The following ABCG8 variants were observed in gnomAD, a reference collection of about 807,000 sequenced individuals.
ABCG8 encodes the protein ATP binding cassette subfamily G member 8.
ABCG8 carries 81 observed loss-of-function variants against 71.3 expected under a neutral mutation model. That is an observed-to-expected ratio of 1.14 (90% CI 0.95 to 1.37). The LOEUF (loss-of-function observed/expected upper bound fraction) is 1.37. ABCG8 is among the 40% of genes most tolerant of loss of function. The pLI, the probability that ABCG8 is intolerant of heterozygous loss-of-function variation, is 0.00. For synonymous variants in ABCG8, 451 were observed against 354.7 expected (o/e 1.27, Z -3.05); for missense variants, 1,119 against 866.2 (o/e 1.29, Z -3.66).
intron 6 of ABCG8, among the ~76,000 whole-genome samples, chr2:43,869,204 C>A (rs1447467565): frequency 6.7e-6 from 1 of 149,818 alleles, no homozygotes; most frequent in Non-Finnish European, 1.5e-5. Flanking sequence ...TCATTCTGGA[C>A]ATAATTCTTA....
At chr2:43,863,678 C>T (rs530804936) in intron 6 of ABCG8, among the ~76,000 whole-genome samples, 2 of 151,420 alleles carry the variant, frequency 1.3e-5, no homozygotes, top group African/African-American at 4.8e-5. Flanking sequence ...TTCTCACCAT[C>T]TGGATAGAAC....
chr2:43,839,482 A>G (rs1367605306), intron 1 of ABCG8, among the ~76,000 whole-genome samples: 6 of 115,636 alleles, frequency 5.2e-5, no homozygotes, highest in Non-Finnish European at 8.1e-5. Context: ...GCTGGAGTGC[A>G]GTGGCGTGAT....
intron 6 of ABCG8, among the ~76,000 whole-genome samples, chr2:43,864,182 C>A (rs893381897): frequency 6.6e-6 from 1 of 151,558 alleles, no homozygotes; most frequent in Non-Finnish European, 1.5e-5. Flanking sequence ...GGATAGAACT[C>A]TCACTCTCTC....
chr2:43,880,809 C>T lies in ABCG8; in HGVS notation c.*2896C>T, dbSNP rs1303015665. Reference sequence around the variant, plus strand: ...TGTGAGAAACCTGGCTTCCATTACCCTTAGGTTATTTACTCATTTGATTAA... The same window carrying T: ...TGTGAGAAACCTGGCTTCCATTACCTTTAGGTTATTTACTCATTTGATTAA... On this transcript the variant is annotated 3_prime_UTR_variant, in exon 13 of 13. Coordinates refer to ENST00000272286, the MANE Select transcript of ABCG8 (RefSeq NM_022437.3). The T allele has an allele frequency of 6.6e-6, 1 of 152,266 alleles. No homozygotes were observed. Among genetic ancestry groups the T allele is most frequent in the African/African-American group, 2.4e-5 (1 of 41,462 alleles). The allele number at this position is 152,266 out of a possible 1,614,324, so 9.4% of individuals were successfully genotyped here.
At position 43,880,140 on chromosome 2, in the gene ABCG8, C is replaced by A. The variant is rs1477162128; in HGVS notation, c.*2227C>A. The A allele has an allele frequency of 1.3e-5, 2 of 149,428 alleles. No individual in the cohort carries two copies. The highest frequency in any genetic ancestry group is 2.5e-5 in the African/African-American group (1 of 40,434). 9.3% of individuals were successfully genotyped at this position (149,428 alleles called of 1,614,324 possible). ...ATATGTCCTCATCATCCTTTGAGGG[C>A]TGAAACAACCAAGAGTTTCAGGCTC... On this transcript the variant is annotated 3_prime_UTR_variant, in exon 13 of 13. Coordinates refer to ENST00000272286, the MANE Select transcript of ABCG8 (RefSeq NM_022437.3).
chr2:43,854,052 C>T (rs4148216), intron 6 of ABCG8, among the ~76,000 whole-genome samples: 30,104 of 152,214 alleles, frequency 0.2, 3,096 homozygotes, highest in Admixed American at 0.26. Flanking sequence ...ACCTGGCCAT[C>T]GGGGAATAAT....
chr2:43,843,141 G>C (rs1176871640), intron 1 of ABCG8, among the ~76,000 whole-genome samples: 2 of 152,190 alleles, frequency 1.3e-5, no homozygotes, highest in African/African-American at 4.8e-5. Context: ...TCTCTGCCTG[G>C]TCTGTCTCGC....
At chr2:43,865,027 A>G (rs546261193) in intron 6 of ABCG8, among the ~76,000 whole-genome samples, 1 of 145,202 alleles carries the variant, frequency 6.9e-6, no homozygotes, top group East Asian at 1.9e-4. Flanking sequence ...TACAACTCTC[A>G]CTATCTGGAT....
intron 9 of ABCG8, 25 bp from the exon 10 acceptor site, chr2:43,874,382 T>A: frequency 6.5e-7 from 1 of 1,531,216 alleles, no homozygotes; most frequent in Non-Finnish European, 9.0e-7. Flanking sequence ...TTCTTCATTC[T>A]CTTTTCCTTT....
In ABCG8 at chr2:43,844,600, A is replaced by G. The variant is rs1378746605; in HGVS notation, c.157A>G (p.Asn53Asp). 3.7e-6 allele frequency: 6 copies of G among 1,611,656 alleles called. No homozygotes were observed. The highest frequency in any genetic ancestry group is 5.1e-6 in the Non-Finnish European group (6 of 1,177,834). Residue 53 changes from asparagine to aspartate, a missense_variant, in exon 2 of 13, where the codon AAC (asparagine) becomes GAC (aspartate). Coordinates refer to ENST00000272286, the MANE Select transcript of ABCG8 (RefSeq NM_022437.3). Reference protein sequence around the residue: ...QPNTLEVRDLNYQVDLASQVP... With the variant: ...QPNTLEVRDLDYQVDLASQVP... ...CAACACCCTGGAGGTCAGAGACCTC[A>G]ACTACCAGGTAGAGGCACGCCTGGG...
Position 43,854,566 on chromosome 2 carries a change from G to C in ABCG8, c.964+1698G>C, listed in dbSNP as rs546686092. Among the ~76,000 whole-genome samples, 9 of 148,588 alleles carry C rather than the reference G, an allele frequency of 6.1e-5. No individual in the cohort carries two copies. The South Asian group carries it at 1.9e-3, about 32-fold the overall frequency. On this transcript the variant is annotated intron_variant, in intron 6 of 12. Transcript: ENST00000272286. ...TGCTTGAACCTGAGAGGCGGAGGTTGCAGTGAGCTGAGATTGTGCCACTGC... is the reference window on the plus strand; with the variant it reads ...TGCTTGAACCTGAGAGGCGGAGGTTCCAGTGAGCTGAGATTGTGCCACTGC...
intron 10 of ABCG8, 37 bp from the exon 11 acceptor site, chr2:43,875,109 G>T: frequency 1.2e-6 from 2 of 1,613,982 alleles, no homozygotes; most frequent in Non-Finnish European, 1.7e-6. Context: ...CAGTGAAGGT[G>T]CTGGCTTCAT....
At position 43,852,679 on chromosome 2, in the gene ABCG8, G is replaced by T; in HGVS notation, c.775G>T (p.Ala259Ser). Reference sequence around the variant, plus strand: ...CCTGGTGAAGACCTTGTCCAGGCTGGCCAAAGGCAACCGGCTGGTGCTCAT... The same window carrying T: ...CCTGGTGAAGACCTTGTCCAGGCTGTCCAAAGGCAACCGGCTGGTGCTCAT... ...HNLVKTLSRLAKGNRLVLISL... is the reference protein window; with the variant it reads ...HNLVKTLSRLSKGNRLVLISL... The change falls in exon 6 of 13, where the codon GCC (alanine) becomes TCC (serine). Residue 259 changes from alanine (A) to serine (S), a missense_variant. By Grantham distance (99) the Ala-to-Ser change is moderately conservative (BLOSUM62 1). Transcript: ENST00000272286. 6.2e-7 allele frequency: 1 copy of T among 1,614,152 alleles called. No homozygotes were observed. Among genetic ancestry groups the T allele is most frequent in the Non-Finnish European group, 8.5e-7 (1 of 1,180,028 alleles).
intron 6 of ABCG8, among the ~76,000 whole-genome samples, chr2:43,860,892 C>T (rs910306407): frequency 2.9e-4 from 43 of 150,744 alleles, no homozygotes; most frequent in African/African-American, 1.0e-3. Context: ...CTGCATAGAA[C>T]TCTCACTGTC....
intron 6 of ABCG8, among the ~76,000 whole-genome samples, chr2:43,866,909 C>T (rs1451339897): frequency 4.0e-5 from 6 of 150,680 alleles, no homozygotes; most frequent in South Asian, 2.1e-4. Context: ...ATGTTTATTG[C>T]GGCATTATTC....
chr2:43,873,840 C>G lies in ABCG8; in HGVS notation c.1265C>G (p.Ala422Gly). The change falls in exon 9 of 13, where the codon GCG becomes GGG. Residue 422 changes from alanine (A) to glycine (G), a missense_variant. Physicochemically the swap from Ala to Gly is moderately conservative, Grantham distance 60. Coordinates refer to ENST00000272286, the MANE Select transcript of ABCG8 (RefSeq NM_022437.3). ...RDLPTLLIHG[A>G]EACLMSMTIG... ...CTGCCCACCCTCCTCATCCATGGGG[C>G]GGAGGCCTGTCTGATGTCAATGACC... The G allele has an allele frequency of 6.2e-7, 1 of 1,614,122 alleles. No homozygotes were observed. The highest frequency in any genetic ancestry group is 8.5e-7 in the Non-Finnish European group (1 of 1,180,032).
At position 43,851,260 on chromosome 2, in the gene ABCG8, C is replaced by G. The variant is rs144551004; in HGVS notation, c.323-324C>G. On this transcript the variant is annotated intron_variant, in intron 3 of 12. Transcript: ENST00000272286. Reference sequence around the variant, plus strand: ...TGGGTGGCAGGAGGGGACAAATGCTCCAGGCACCAGCTGGCCCTGTGGCAT... The same window carrying G: ...TGGGTGGCAGGAGGGGACAAATGCTGCAGGCACCAGCTGGCCCTGTGGCAT... Among the ~76,000 whole-genome samples, 1,317 of 152,336 alleles carry G rather than the reference C, an allele frequency of 8.6e-3. 22 individuals are homozygous for G. Among genetic ancestry groups the G allele is most frequent in the African/African-American group, 0.03 (1,246 of 41,572 alleles).
At chr2:43,840,121 T>C (rs1210763088) in intron 1 of ABCG8, among the ~76,000 whole-genome samples, 1 of 152,174 alleles carries the variant, frequency 6.6e-6, no homozygotes, top group African/African-American at 2.4e-5. Flanking sequence ...CCTTTCCATC[T>C]TTGCCTGTTG....
At chr2:43,846,006 T>C in intron 2 of ABCG8, 149 bp from the exon 3 acceptor site, 1 of 779,694 alleles carries the variant, frequency 1.3e-6, no homozygotes, top group Non-Finnish European at 2.2e-6. Flanking sequence ...CCGTGTTTGG[T>C]AGAACCTGGG....
Sources: allele counts gnomAD v4.1 joint callset (sites outside exome capture counted in the v4.1 genomes callset), GRCh38; gene constraint gnomAD v4.1.1; transcripts MANE v1.5; gene names NCBI Gene and HGNC (gene_info 2026-07-23, HGNC 2026-07-21).